TMEM221: variants seen among roughly 807,000 people sequenced by gnomAD.
TMEM221 encodes the protein Putative transmembrane protein ENSP00000342162.
TMEM221 carries 11 observed loss-of-function variants against 10.2 expected under a neutral mutation model. That is an observed-to-expected ratio of 1.08 (90% CI 0.68 to 1.79). The LOEUF (loss-of-function observed/expected upper bound fraction) is 1.79, where lower values mean the gene tolerates loss of function less well. Ranked by LOEUF, TMEM221 falls within the 40% of genes most tolerant of loss-of-function variation. The pLI is 0.00. For synonymous variants in TMEM221, 172 were observed against 199.8 expected (o/e 0.86, Z 1.18); for missense variants, 382 against 417.7 (o/e 0.91, Z 0.75).
Position 17,436,530 on chromosome 19 carries a change from C to A in TMEM221, c.804G>T (p.Gly268=). The A allele has an allele frequency of 6.5e-7, 1 of 1,535,998 alleles. No homozygotes were observed. The highest frequency in any genetic ancestry group is 2.4e-5 in the East Asian group (1 of 40,912). ...GCATTCGACGCATCTCGTGCGTAAC[C>A]CCGTCCCAGTGCCCCAGGCCAGCCG... The part of the protein sequence containing the change: ...TLSAGLGHWD[G]VTHEMRRMLG... The change falls in exon 3 of 3, where the codon GGG becomes GGT. Residue 268 remains glycine, a synonymous_variant. Coordinates refer to ENST00000341130, the MANE Select transcript of TMEM221 (RefSeq NM_001190844.2).
chr19:17,437,862 T>C (rs979092072), intron 2 of TMEM221, among the ~76,000 whole-genome samples: 1 of 150,570 alleles, frequency 6.6e-6, no homozygotes, highest in Admixed American at 6.6e-5. Flanking sequence ...CAGAAAGGGG[T>C]GTGGGTCTTC....
At position 17,436,183 on chromosome 19, in the gene TMEM221, G is replaced by T; in HGVS notation, c.*275C>A. On this transcript the variant is annotated 3_prime_UTR_variant, in exon 3 of 3. Coordinates refer to ENST00000341130, the MANE Select transcript of TMEM221 (RefSeq NM_001190844.2). The stretch of plus-strand genomic sequence containing the variant: ...AGGTATGGCCATTTCGCTCTGTTCT[G>T]GCCAGTGGGATATAAAAAGAAGGGT... 2 of 428,944 alleles carry T rather than the reference G, an allele frequency of 4.7e-6. No individual in the cohort carries two copies. The highest frequency in any genetic ancestry group is 8.3e-6 in the Non-Finnish European group (2 of 239,582). The allele number at this position is 428,944 out of a possible 1,614,324, so 26.6% of individuals were successfully genotyped here.
chr19:17,448,029 G>A lies in TMEM221; in HGVS notation c.320+114C>T, dbSNP rs2074959130. ...AGAGACATGGAGTGGTGGGGAGAGG[G>A]AAGTGGGGAGGGAAGCTGTCCCCCC... On this transcript the variant is annotated intron_variant, in intron 1 of 2. Coordinates refer to ENST00000341130, the MANE Select transcript of TMEM221 (RefSeq NM_001190844.2). This position sits in a 1 kb window ranked among gnomAD's most constrained non-coding sequence, Gnocchi z 4.7. 4 of 814,786 alleles carry A rather than the reference G, an allele frequency of 4.9e-6. No homozygotes were observed. The East Asian group carries it at 1.4e-4, about 29-fold the overall frequency. 50.5% of individuals were successfully genotyped at this position (814,786 alleles called of 1,614,324 possible).
Position 17,448,229 on chromosome 19 carries a change from C to G in TMEM221, c.234G>C (p.Val78=). Residue 78 remains valine (V), a synonymous_variant, in exon 1 of 3, where the codon GTG becomes GTC. Coordinates refer to ENST00000341130, the MANE Select transcript of TMEM221 (RefSeq NM_001190844.2). The surrounding 1 kb of genome is among the most constrained non-coding windows in gnomAD (Gnocchi z 4.7). Reference sequence around the variant, plus strand: ...GCAAGCAGGTGAACCCCAGCACGAGCACCAGCGCGGCCAGCGCGGCGGCCA... The same window carrying G: ...GCAAGCAGGTGAACCCCAGCACGAGGACCAGCGCGGCCAGCGCGGCGGCCA... ...LPLAAALAAL[V]LVLGFTCLLL... 7.4e-7 allele frequency: 1 copy of G among 1,353,010 alleles called. No individual in the cohort carries two copies. Among genetic ancestry groups the G allele is most frequent in the South Asian group, 1.7e-5 (1 of 57,258 alleles). The allele number at this position is 1,353,010 out of a possible 1,614,324, so 83.8% of individuals were successfully genotyped here. A position where few individuals can be genotyped will look rare whatever the true frequency, so the allele number is the denominator to read the frequency against.
chr19:17,438,950 G>C (rs2074920741), intron 2 of TMEM221, among the ~76,000 whole-genome samples: 2 of 146,216 alleles, frequency 1.4e-5, no homozygotes, highest in African/African-American at 2.5e-5. Flanking sequence ...GCTCACACCT[G>C]TAATCCCAGC....
Position 17,436,125 on chromosome 19 carries a change from G to A in TMEM221, c.*333C>T, listed in dbSNP as rs113891868. 781 of 232,144 alleles carry A rather than the reference G, an allele frequency of 3.4e-3. 2 individuals carry two copies. The highest frequency in any genetic ancestry group is 0.017 in the African/African-American group (741 of 44,394). The allele number at this position is 232,144 out of a possible 1,614,324, so 14.4% of individuals were successfully genotyped here. On this transcript the variant is annotated 3_prime_UTR_variant, in exon 3 of 3. Coordinates refer to ENST00000341130, the MANE Select transcript of TMEM221 (RefSeq NM_001190844.2). Reference sequence around the variant, plus strand: ...GCCTGTAACAGAATCTCATCCATCTGGACAGCCACATTTCCCAGCCTCCCC... The same window carrying A: ...GCCTGTAACAGAATCTCATCCATCTAGACAGCCACATTTCCCAGCCTCCCC...
chr19:17,446,950 G>A (rs1166066396), intron 1 of TMEM221, among the ~76,000 whole-genome samples: 1 of 151,966 alleles, frequency 6.6e-6, no homozygotes, highest in Non-Finnish European at 1.5e-5. Context: ...TACCCAGGCT[G>A]GTCTCAAATT....
At chr19:17,440,371 C>T (rs943833956) in intron 2 of TMEM221, among the ~76,000 whole-genome samples, 3 of 151,860 alleles carry the variant, frequency 2.0e-5, no homozygotes, top group East Asian at 1.9e-4. Flanking sequence ...GGACTACAGC[C>T]GCCCGCCACC....
chr19:17,446,014 C>G (rs565198390), intron 1 of TMEM221, among the ~76,000 whole-genome samples: 1 of 152,288 alleles, frequency 6.6e-6, no homozygotes, highest in South Asian at 2.1e-4. Context: ...ATTTACCATT[C>G]ATATTCATTG....
chr19:17,436,793 G>A lies in TMEM221; in HGVS notation c.541C>T (p.Arg181Cys), dbSNP rs950866275. Residue 181 changes from arginine (R) to cysteine (C), a missense_variant, in exon 3 of 3, where the codon CGT becomes TGT. Coordinates refer to ENST00000341130, the MANE Select transcript of TMEM221 (RefSeq NM_001190844.2). The part of the protein sequence containing the change: ...TLLRAARAAR[R>C]GLHELSPPSF... ...GGCGGGGACAACTCATGGAGCCCAC[G>A]GCGGGCAGCCCGGGCAGCCCGGAGG... 1.8e-5 allele frequency: 27 copies of A among 1,517,150 alleles called. No individual in the cohort carries two copies. Among genetic ancestry groups the A allele is most frequent in the African/African-American group, 2.7e-5 (2 of 72,756 alleles). 94.0% of individuals were successfully genotyped at this position (1,517,150 alleles called of 1,614,324 possible). A position where few individuals can be genotyped will look rare whatever the true frequency, so the allele number is the denominator to read the frequency against.
At position 17,436,657 on chromosome 19, in the gene TMEM221, G is replaced by A. The variant is rs1416226736; in HGVS notation, c.677C>T (p.Pro226Leu). 4.6e-6 allele frequency: 7 copies of A among 1,535,844 alleles called. No homozygotes were observed. The South Asian group carries it at 8.3e-5, about 18-fold the overall frequency. Residue 226 changes from proline (P) to leucine (L), a missense_variant, in exon 3 of 3, where the codon CCT (proline) becomes CTT (leucine). Transcript: ENST00000341130. The stretch of plus-strand genomic sequence containing the variant: ...GGCCATGGACCCAAAGGGGTCCCCA[G>A]GCTCTGGACAGGTTGAATAGGGGGT... The part of the protein sequence containing the change: ...RRTPYSTCPE[P>L]GDPFGSMATA...
rs554507363 is a variant in TMEM221 at position 17,445,233 on chromosome 19, G to A, written c.372C>T (p.Gly124=). ...DCRLLRHVAL[G]LFCCGISVYL... ...AGACGGAGATCCCACAGCAGAAAAG[G>A]CCAAGGGCCACATGTCTGAGGAGGC... The change falls in exon 2 of 3, where the codon GGC becomes GGT. Residue 124 remains glycine, a synonymous_variant. Transcript: ENST00000341130. 1.3e-6 allele frequency: 2 copies of A among 1,536,002 alleles called. No homozygotes were observed. The highest frequency in any genetic ancestry group is 8.7e-7 in the Non-Finnish European group (1 of 1,146,786).
rs1055192331 is a variant in TMEM221, at chr19:17,436,320, G to C, written c.*138C>G. 1 of 854,886 alleles carries C rather than the reference G, an allele frequency of 1.2e-6. No homozygotes were observed. The allele number at this position is 854,886 out of a possible 1,614,324, so 53.0% of individuals were successfully genotyped here. ...AGCTCTGGCAATTATTTTGTGCCAC[G>C]AGGCAACCTTGAGGACAAAAGCCAA... On this transcript the variant is annotated 3_prime_UTR_variant, in exon 3 of 3. Transcript: ENST00000341130.
intron 2 of TMEM221, among the ~76,000 whole-genome samples, chr19:17,441,174 C>T (rs1381358764): frequency 6.9e-6 from 1 of 144,030 alleles, no homozygotes; most frequent in African/African-American, 2.6e-5. Context: ...CTCTACTGCA[C>T]TTCAGCCTGG....
intron 1 of TMEM221, among the ~76,000 whole-genome samples, chr19:17,446,982 G>C (rs1417791178): frequency 6.6e-6 from 1 of 151,840 alleles, no homozygotes; most frequent in Non-Finnish European, 1.5e-5. Flanking sequence ...AGCACTTTGG[G>C]AGGCCAAGGT....
rs1249927995 is a variant in TMEM221, at chr19:17,448,400, G to T, written c.63C>A (p.Ala21=). The T allele has an allele frequency of 2.1e-6, 3 of 1,459,770 alleles. No individual in the cohort carries two copies. Among genetic ancestry groups the T allele is most frequent in the South Asian group, 1.3e-5 (1 of 76,814 alleles). The allele number at this position is 1,459,770 out of a possible 1,614,324, so 90.4% of individuals were successfully genotyped here. A position where few individuals can be genotyped will look rare whatever the true frequency, so the allele number is the denominator to read the frequency against. Residue 21 remains alanine, a synonymous_variant, in exon 1 of 3, where the codon GCC becomes GCA. Transcript: ENST00000341130. This position sits in a 1 kb window ranked among gnomAD's most constrained non-coding sequence, Gnocchi z 4.7. ...AAMTLLGIAA[A]VLAALGAQLL... is the part of the protein sequence containing the mutation. ...GCTGCGCGCCCAGCGCCGCCAGCAC[G>T]GCCGCCGCGATGCCCAGCAGGGTCA...
chr19:17,448,331 C>T lies in TMEM221; in HGVS notation c.132G>A (p.Leu44=). 1 of 1,290,790 alleles carries T rather than the reference C, an allele frequency of 7.7e-7. No homozygotes were observed. Among genetic ancestry groups the T allele is most frequent in the Non-Finnish European group, 9.8e-7 (1 of 1,020,600 alleles). The allele number at this position is 1,290,790 out of a possible 1,614,324, so 80.0% of individuals were successfully genotyped here. A position where few individuals can be genotyped will look rare whatever the true frequency, so the allele number is the denominator to read the frequency against. The change falls in exon 1 of 3, where the codon CTG becomes CTA. Residue 44 remains leucine, a synonymous_variant. Transcript: ENST00000341130. The surrounding 1 kb of genome is among the most constrained non-coding windows in gnomAD (Gnocchi z 4.7). ...LQAGRAELRG[L]RAEGLGQELG... ...GCTCCTGGCCCAGCCCCTCGGCGCG[C>T]AGCCCCCGCAGCTCGGCGCGGCCCG...
At chr19:17,444,470 CAGCT>C (rs1187458134) in intron 2 of TMEM221, among the ~76,000 whole-genome samples, 1 of 147,316 alleles carries the variant, frequency 6.8e-6, no homozygotes, top group Non-Finnish European at 1.5e-5. Context: ...GTTCTGATGA[CAGCT>C]AGCATTTGTG....
Position 17,436,608 on chromosome 19 carries a change from C to T in TMEM221, c.726G>A (p.Leu242=), listed in dbSNP as rs2074909717. The change falls in exon 3 of 3, where the codon CTG becomes CTA. Residue 242 remains leucine (L), a synonymous_variant. Coordinates refer to ENST00000341130, the MANE Select transcript of TMEM221 (RefSeq NM_001190844.2). ...SMATATAPAA[L]EGGWESSLPA... Reference sequence around the variant, plus strand: ...GCAGGCTGCTCTCCCAGCCTCCCTCCAGGGCTGCAGGTGCTGTGGCAGTGG... The same window carrying T: ...GCAGGCTGCTCTCCCAGCCTCCCTCTAGGGCTGCAGGTGCTGTGGCAGTGG... 6.5e-7 allele frequency: 1 copy of T among 1,536,128 alleles called. No homozygotes were observed. Among genetic ancestry groups the T allele is most frequent in the Non-Finnish European group, 8.7e-7 (1 of 1,146,898 alleles).
Sources: allele counts gnomAD v4.1 joint callset (sites outside exome capture counted in the v4.1 genomes callset), GRCh38; gene constraint gnomAD v4.1.1; non-coding constraint Gnocchi (gnomAD v3.1); transcripts MANE v1.5; gene names NCBI Gene and HGNC (gene_info 2026-07-23, HGNC 2026-07-21).